Variants in KCNH5 observed in about 807,000 individuals in gnomAD.
KCNH5 encodes the protein voltage-gated delayed rectifier potassium channel KCNH5.
In KCNH5, 46 loss-of-function variants were observed where a neutral mutation model predicts 96.1. The observed-to-expected ratio is 0.48, with a 90% confidence interval of 0.38 to 0.61. KCNH5 has a LOEUF of 0.61. Ranked by LOEUF, KCNH5 falls within the 20% of genes least tolerant of loss-of-function variation. The pLI, the probability that KCNH5 is intolerant of heterozygous loss-of-function variation, is 0.00. For synonymous variants in KCNH5, 439 were observed against 449.8 expected (o/e 0.98, Z 0.30); for missense variants, 907 against 1,225.8 (o/e 0.74, Z 3.88).
intron 10 of KCNH5, among the ~76,000 whole-genome samples, chr14:62,743,536 G>A (rs999806281): frequency 3.3e-5 from 5 of 152,052 alleles, no homozygotes; most frequent in African/African-American, 7.2e-5. Flanking sequence ...TTTTATTAAA[G>A]AAGTCTAACA....
At chr14:62,910,145 TACACACAC>T (rs111386925) in intron 7 of KCNH5, among the ~76,000 whole-genome samples, 79 of 144,046 alleles carry the variant, frequency 5.5e-4, no homozygotes, top group African/African-American at 1.7e-3. Flanking sequence ...ACTAACATGT[TACACACAC>T]ACACACACAC....
intron 10 of KCNH5, among the ~76,000 whole-genome samples, chr14:62,746,811 T>C (rs1216329239): frequency 6.6e-6 from 1 of 152,262 alleles, no homozygotes; most frequent in Non-Finnish European, 1.5e-5. Flanking sequence ...TTGACAAGTC[T>C]GACTAGTGGA....
intron 2 of KCNH5, among the ~76,000 whole-genome samples, chr14:63,011,987 C>A (rs1891237619): frequency 6.6e-6 from 1 of 152,124 alleles, no homozygotes; most frequent in Non-Finnish European, 1.5e-5. Flanking sequence ...CTCAATCCAC[C>A]CTACCTAAAC....
intron 10 of KCNH5, among the ~76,000 whole-genome samples, chr14:62,756,038 AG>A (rs1885616717): frequency 6.6e-6 from 1 of 152,026 alleles, no homozygotes; most frequent in Admixed American, 6.6e-5. Context: ...CTTTCCTCTA[AG>A]GAAAAAAAAA....
chr14:62,893,140 G>A (rs1329368151), intron 7 of KCNH5, among the ~76,000 whole-genome samples: 1 of 152,154 alleles, frequency 6.6e-6, no homozygotes, highest in East Asian at 1.9e-4. Context: ...CATTCTAGAG[G>A]CCATTTGGAA....
At chr14:62,804,852 C>T (rs147387099) in intron 8 of KCNH5, among the ~76,000 whole-genome samples, 6 of 152,262 alleles carry the variant, frequency 3.9e-5, no homozygotes, top group East Asian at 3.9e-4. Flanking sequence ...ATCATCACTA[C>T]GGAACATCTG....
In KCNH5 at chr14:62,705,960, A is replaced by G. The variant is rs1414953109; in HGVS notation, c.*1548T>C. ...GCAAACACTAACTCCCCTGCTCCCC[A>G]TATTAAATGCTGTGCATGCACTGAC... is the stretch of plus-strand genomic sequence containing the variant. On this transcript the variant is annotated 3_prime_UTR_variant, in exon 11 of 11. Coordinates refer to ENST00000322893, the MANE Select transcript of KCNH5 (RefSeq NM_139318.5). 6.6e-6 allele frequency: 1 copy of G among 152,182 alleles called. No homozygotes were observed. Among genetic ancestry groups the G allele is most frequent in the African/African-American group, 2.4e-5 (1 of 41,558 alleles). The allele number at this position is 152,182 out of a possible 1,614,324, so 9.4% of individuals were successfully genotyped here. A position where few individuals can be genotyped will look rare whatever the true frequency, so the allele number is the denominator to read the frequency against.
intron 6 of KCNH5, among the ~76,000 whole-genome samples, chr14:62,979,548 A>G (rs1342736652): frequency 6.6e-6 from 1 of 152,112 alleles, no homozygotes; most frequent in Non-Finnish European, 1.5e-5. Flanking sequence ...ATTACAATGT[A>G]TTATAATAAT....
chr14:62,986,800 G>A (rs553820239), intron 5 of KCNH5, among the ~76,000 whole-genome samples: 1 of 152,274 alleles, frequency 6.6e-6, no homozygotes, highest in East Asian at 1.9e-4. Context: ...ATATATGCAT[G>A]AAGCAATGAA....
intron 7 of KCNH5, 65 bp downstream of exon 7, chr14:62,950,068 C>T (rs1336253623): frequency 7.1e-7 from 1 of 1,417,498 alleles, no homozygotes; most frequent in East Asian, 2.3e-5. Flanking sequence ...TTCATCCTAT[C>T]TGAGATTGTA....
chr14:63,003,472 TTA>T (rs1189701234), intron 3 of KCNH5, among the ~76,000 whole-genome samples: 1 of 132,066 alleles, frequency 7.6e-6, no homozygotes, highest in South Asian at 2.2e-4. Flanking sequence ...TTTATATATA[TTA>T]TATATATTTT....
chr14:63,035,238 G>T (rs1180395310), intron 1 of KCNH5, among the ~76,000 whole-genome samples: 2 of 152,108 alleles, frequency 1.3e-5, no homozygotes, highest in Non-Finnish European at 2.9e-5. Context: ...CTTTTCTGAG[G>T]AGATTATATA....
rs566839455 is a variant in KCNH5 at position 62,922,428 on chromosome 14, C to G, written c.1369+27705G>C. On this transcript the variant is annotated intron_variant, in intron 7 of 10. Transcript: ENST00000322893. ...TAATTATTAATAGTTAAATTAACACCTATAAATTCTTTGTTCTCAGTTAAG... is the reference window on the plus strand; with the variant it reads ...TAATTATTAATAGTTAAATTAACACGTATAAATTCTTTGTTCTCAGTTAAG... 3.3e-5 allele frequency among the ~76,000 whole-genome samples: 5 copies of G among 152,046 alleles called. No homozygotes were observed. In the East Asian group the frequency reaches 7.7e-4, roughly 24 times the overall value.
chr14:62,713,213 T>C (rs1884609632), intron 10 of KCNH5, among the ~76,000 whole-genome samples: 1 of 152,252 alleles, frequency 6.6e-6, no homozygotes, highest in Admixed American at 6.5e-5. Context: ...ATGTTACAAA[T>C]AAGCAGGGCA....
At chr14:62,866,181 T>A (rs1368169710) in intron 7 of KCNH5, among the ~76,000 whole-genome samples, 1 of 152,226 alleles carries the variant, frequency 6.6e-6, no homozygotes, top group East Asian at 1.9e-4. Context: ...GGCCGAAAAG[T>A]AACCTTAGTT....
intron 7 of KCNH5, among the ~76,000 whole-genome samples, chr14:62,932,341 G>A (rs1889595769): frequency 6.6e-6 from 1 of 151,792 alleles, no homozygotes; most frequent in South Asian, 2.1e-4. Context: ...CAGAGAAAAG[G>A]CAAGAGCTCT....
chr14:62,844,953 A>G (rs892124290), intron 8 of KCNH5, among the ~76,000 whole-genome samples: 2 of 151,706 alleles, frequency 1.3e-5, no homozygotes, highest in African/African-American at 4.8e-5. Flanking sequence ...ATTAGCTTCA[A>G]TGAATCATTA....
chr14:62,803,662 C>G (rs2140001257), intron 8 of KCNH5, among the ~76,000 whole-genome samples: 1 of 152,184 alleles, frequency 6.6e-6, no homozygotes, highest in South Asian at 2.1e-4. Context: ...GGGTAGAGAG[C>G]TTTTATTGGC....
At chr14:62,720,537 C>T (rs1180486833) in intron 10 of KCNH5, among the ~76,000 whole-genome samples, 1 of 152,072 alleles carries the variant, frequency 6.6e-6, no homozygotes, top group Non-Finnish European at 1.5e-5. Flanking sequence ...GAGCTGAGAT[C>T]GCGCCACTGC....
Sources: gnomAD v4.1 joint callset for allele counts (sites outside exome capture counted in the v4.1 genomes callset) on GRCh38, gnomAD v4.1.1 for gene constraint, MANE v1.5 for transcripts, NCBI Gene and HGNC (gene_info 2026-07-23, HGNC 2026-07-21) for gene names.